Variants in TFEB observed in about 807,000 individuals in gnomAD.
TFEB encodes the protein T-cell transcription factor EB.
TFEB carries 12 observed loss-of-function variants against 48.0 expected under a neutral mutation model. That is an observed-to-expected ratio of 0.25 (90% CI 0.16 to 0.40). TFEB has a LOEUF of 0.40. TFEB is among the 10% of genes least tolerant of loss of function. TFEB has a pLI of 1.00. For synonymous variants in TFEB, 244 were observed against 261.4 expected, an observed-to-expected ratio of 0.93 and a Z score of 0.64; for missense variants, 509 against 640.3, an observed-to-expected ratio of 0.79 and a Z score of 2.21.
At chr6:41,731,827 G>A (rs1453360994) in intron 1 of TFEB, among the ~76,000 whole-genome samples, 1 of 152,220 alleles carries the variant, frequency 6.6e-6, no homozygotes, top group Admixed American at 6.5e-5. Context: ...AAGGCCATCA[G>A]TAAGGATGCC....
Position 41,723,747 on chromosome 6 carries a change from C to T in TFEB, c.-23+11603G>A. ...CAACACAGACTGCTTCAATCTCACC[C>T]GCCCGGCTCCAGGCGCCCACAGCGC... On this transcript the variant is annotated intron_variant, in intron 1 of 8. Coordinates refer to ENST00000373033, the MANE Select transcript of TFEB (RefSeq NM_001271944.2). This position sits in a 1 kb window ranked among gnomAD's most constrained non-coding sequence, Gnocchi z 6.0. The T allele has an allele frequency of 5.3e-6, 2 of 376,628 alleles. No homozygotes were observed. The highest frequency in any genetic ancestry group is 2.0e-5 in the South Asian group (1 of 49,556). 23.3% of individuals were successfully genotyped at this position (376,628 alleles called of 1,614,324 possible).
At position 41,696,903 on chromosome 6, in the gene TFEB, T is replaced by G. The variant is rs1289351161; in HGVS notation, c.-22-5668A>C. On this transcript the variant is annotated intron_variant, in intron 1 of 8. Coordinates refer to ENST00000373033, the MANE Select transcript of TFEB (RefSeq NM_001271944.2). ...AAAACGCAACATTAATCTACTATGT[T>G]AGAACTCAGGATCCTAATTACCCTT... Among the ~76,000 whole-genome samples the G allele has an allele frequency of 2.6e-5, 4 of 152,136 alleles. No individual in the cohort carries two copies. The East Asian group carries it at 5.8e-4, about 22-fold the overall frequency.
chr6:41,689,708 C>T (rs773786468), intron 4 of TFEB, 23 bp downstream of exon 4: 2 of 1,608,800 alleles, frequency 1.2e-6, no homozygotes, highest in Admixed American at 1.7e-5. Context: ...CTTGCACACC[C>T]ACCCCACCCT....
At chr6:41,695,855 C>T (rs1017348934) in intron 1 of TFEB, among the ~76,000 whole-genome samples, 5 of 152,204 alleles carry the variant, frequency 3.3e-5, no homozygotes, top group Admixed American at 3.3e-4. Flanking sequence ...TATGGGGGGG[C>T]CCAACCTGCT....
intron 8 of TFEB, among the ~76,000 whole-genome samples, chr6:41,685,621 G>C (rs1456277505): frequency 6.6e-6 from 1 of 152,138 alleles, no homozygotes; most frequent in Non-Finnish European, 1.5e-5. Context: ...CCAAGCTCCT[G>C]GTTCTTTAGG....
intron 1 of TFEB, among the ~76,000 whole-genome samples, chr6:41,700,638 A>AG (rs1769869429): frequency 6.6e-6 from 1 of 152,152 alleles, no homozygotes; most frequent in South Asian, 2.1e-4. Context: ...GGGAGACTGC[A>AG]GGGCTGGGGG....
intron 1 of TFEB, among the ~76,000 whole-genome samples, chr6:41,703,809 C>T (rs995193134): frequency 6.6e-6 from 1 of 152,206 alleles, no homozygotes; most frequent in African/African-American, 2.4e-5. Flanking sequence ...TGATTTAATC[C>T]TCACCACAGC....
At chr6:41,727,934 C>G (rs1398400486) in intron 1 of TFEB, among the ~76,000 whole-genome samples, 1 of 152,130 alleles carries the variant, frequency 6.6e-6, no homozygotes, top group Non-Finnish European at 1.5e-5. Flanking sequence ...TTGTCCAGAA[C>G]GTAGCCTGCA....
intron 1 of TFEB, among the ~76,000 whole-genome samples, chr6:41,698,610 C>T (rs569164800): frequency 6.6e-6 from 1 of 152,334 alleles, no homozygotes; most frequent in African/African-American, 2.4e-5. Flanking sequence ...CGCTCTGCAC[C>T]TCTGTGGTCG....
At chr6:41,736,066 C>T (rs1371079172), upstream of TFEB, 2 of 1,580,070 alleles carry the variant, frequency 1.3e-6, no homozygotes, top group Non-Finnish European at 1.7e-6. Flanking sequence ...CCAGGGTGAG[C>T]CTGGCGAAGT....
chr6:41,688,749 A>G (rs1186932154), intron 4 of TFEB, among the ~76,000 whole-genome samples: 2 of 152,136 alleles, frequency 1.3e-5, no homozygotes, highest in African/African-American at 4.8e-5. Flanking sequence ...TGCCCCTGCT[A>G]GCTGTAGGTT....
At chr6:41,733,522 A>G (rs1424620268) in intron 1 of TFEB, 1 of 671,176 alleles carries the variant, frequency 1.5e-6, no homozygotes, top group Non-Finnish European at 1.8e-6. Context: ...GCATGGAGTC[A>G]CCCAAACAGC....
rs1271406804 is a variant in TFEB, at chr6:41,730,332, A to G, written c.-23+5018T>C. Among the ~76,000 whole-genome samples, 1 of 152,144 alleles carries G rather than the reference A, an allele frequency of 6.6e-6. No homozygotes were observed. The highest frequency in any genetic ancestry group is 2.4e-5 in the African/African-American group (1 of 41,444). ...TGAGGAAGGGCTACGAGGAGGGAAT[A>G]TGAGCCATGGGTTTCTGGATGGAGA... On this transcript the variant is annotated intron_variant, in intron 1 of 8. Coordinates refer to ENST00000373033, the MANE Select transcript of TFEB (RefSeq NM_001271944.2). This position sits in a 1 kb window ranked among gnomAD's most constrained non-coding sequence, Gnocchi z 4.1.
chr6:41,731,304 G>C (rs1279880989), intron 1 of TFEB, among the ~76,000 whole-genome samples: 1 of 152,100 alleles, frequency 6.6e-6, no homozygotes, highest in African/African-American at 2.4e-5. Flanking sequence ...CCTGGCCCCA[G>C]AGCCCACGTT....
At chr6:41,688,513 G>A (rs1265401055) in intron 4 of TFEB, among the ~76,000 whole-genome samples, 3 of 152,066 alleles carry the variant, frequency 2.0e-5, no homozygotes, top group Non-Finnish European at 4.4e-5. Context: ...CAGGGCAGAT[G>A]TATCTGGATC....
At chr6:41,696,339 T>G (rs936151218) in intron 1 of TFEB, among the ~76,000 whole-genome samples, 4 of 152,228 alleles carry the variant, frequency 2.6e-5, no homozygotes, top group African/African-American at 9.6e-5. Context: ...TACTAGAATG[T>G]TTGCGTGTAT....
rs1414837158 is a variant in TFEB at position 41,691,231 on chromosome 6, G to A, written c.-18C>T. 2 of 1,566,452 alleles carry A rather than the reference G, an allele frequency of 1.3e-6. No homozygotes were observed. The highest frequency in any genetic ancestry group is 2.4e-5 in the East Asian group (1 of 42,530). On this transcript the variant is annotated 5_prime_UTR_variant, in exon 2 of 9. Transcript: ENST00000373033. This position sits in a 1 kb window ranked among gnomAD's most constrained non-coding sequence, Gnocchi z 5.2. ...GACGCCATGGTGGCTGCCGGCGCTG[G>A]CTCCCTGTGGATGAGAAGGGGCAGC...
At chr6:41,710,467 C>T (rs1184356791) in intron 1 of TFEB, among the ~76,000 whole-genome samples, 7 of 152,118 alleles carry the variant, frequency 4.6e-5, no homozygotes, top group Admixed American at 4.6e-4. Flanking sequence ...GGATTTGGGA[C>T]AGGGGTAACT....
rs978345768 is a variant in TFEB at position 41,684,233 on chromosome 6, G to A, written c.*366C>T. 1.2e-5 allele frequency: 3 copies of A among 248,648 alleles called. No homozygotes were observed. The highest frequency in any genetic ancestry group is 2.2e-5 in the African/African-American group (1 of 45,844). The allele number at this position is 248,648 out of a possible 1,614,324, so 15.4% of individuals were successfully genotyped here. ...AGTTGCCTCAGATGAGGAGCTTCCC[G>A]AACCCCTCAAGCATGTCCTTCACTG... is the stretch of plus-strand genomic sequence containing the variant. On this transcript the variant is annotated 3_prime_UTR_variant, in exon 9 of 9. Coordinates refer to ENST00000373033, the MANE Select transcript of TFEB (RefSeq NM_001271944.2).
Sources: gnomAD v4.1 joint callset for allele counts (sites outside exome capture counted in the v4.1 genomes callset) on GRCh38, gnomAD v4.1.1 for gene constraint, Gnocchi (gnomAD v3.1) non-coding constraint, MANE v1.5 for transcripts, NCBI Gene and HGNC (gene_info 2026-07-23, HGNC 2026-07-21) for gene names.